MTMR10: variants seen among roughly 807,000 people sequenced by gnomAD.
MTMR10 encodes the protein myotubularin related protein 10.
In MTMR10, 56 loss-of-function variants were observed where a neutral mutation model predicts 88.1. The ratio of observed to expected loss-of-function variants is 0.64; its 90% CI spans 0.51 to 0.79. The LOEUF (loss-of-function observed/expected upper bound fraction) is 0.79. Among genes scored for constraint, MTMR10 ranks in the 30% least tolerant of loss-of-function variants. MTMR10 has a pLI of 0.00. For synonymous variants in MTMR10, 380 were observed against 340.9 expected, an observed-to-expected ratio of 1.11 and a Z score of -1.26; for missense variants, 883 against 924.7, an observed-to-expected ratio of 0.95 and a Z score of 0.58.
At chr15:30,928,944 G>C in the MTMR10 span, 1 of 344,794 alleles carries the variant, frequency 2.9e-6, no homozygotes, top group East Asian at 1.7e-4. Context: ...CGCAGGCACT[G>C]TGCCAAGGAG....
At chr15:30,973,261 C>A (rs1460911561) in intron 5 of MTMR10, among the ~76,000 whole-genome samples, 2 of 152,010 alleles carry the variant, frequency 1.3e-5, no homozygotes, top group African/African-American at 4.8e-5. Context: ...TTATACAGAC[C>A]ATTTGAAAAC....
At chr15:30,975,191 T>G (rs536625814) in intron 3 of MTMR10, among the ~76,000 whole-genome samples, 188 bp from the exon 4 acceptor site, 2 of 152,242 alleles carry the variant, frequency 1.3e-5, no homozygotes, top group East Asian at 3.9e-4. Context: ...ACAACAATCT[T>G]ATTATAATAC....
At position 30,940,519 on chromosome 15, in the gene MTMR10, T is replaced by G; in HGVS notation, c.*951A>C. ...TATTTCCAGGGGGAAGTGCCAGCAA[T>G]AGTTTACCACACTGGAAATACTGAT... On this transcript the variant is annotated 3_prime_UTR_variant, in exon 16 of 16. Transcript: ENST00000435680. 8.1e-6 allele frequency: 8 copies of G among 985,472 alleles called. No homozygotes were observed. The highest frequency in any genetic ancestry group is 9.6e-6 in the Non-Finnish European group (8 of 829,958). 61.0% of individuals were successfully genotyped at this position (985,472 alleles called of 1,614,324 possible). A position where few individuals can be genotyped will look rare whatever the true frequency, so the allele number is the denominator to read the frequency against.
intron 2 of MTMR10, among the ~76,000 whole-genome samples, chr15:30,987,988 G>A (rs1566972214): frequency 6.6e-6 from 1 of 150,442 alleles, no homozygotes; most frequent in Non-Finnish European, 1.5e-5. Flanking sequence ...GTTTTCTATT[G>A]ATTCTGATAG....
chr15:30,981,534 A>G (rs1207832069), intron 2 of MTMR10, among the ~76,000 whole-genome samples: 1 of 152,258 alleles, frequency 6.6e-6, no homozygotes, highest in African/African-American at 2.4e-5. Flanking sequence ...GCATACTACA[A>G]GACACTACCT....
intron 5 of MTMR10, among the ~76,000 whole-genome samples, chr15:30,970,511 G>A (rs1437917215): frequency 6.6e-6 from 1 of 152,102 alleles, no homozygotes; most frequent in Non-Finnish European, 1.5e-5. Flanking sequence ...ACGGTGCTCT[G>A]TGTCCAACAG....
chr15:30,958,904 G>C lies in MTMR10; in HGVS notation c.894C>G (p.Ala298=), dbSNP rs767932512. ...TCTGCTGCAGCACGTCTTTGATGAG[G>C]GCCATTCGCACAAGAGCACTGCCGT... is the stretch of plus-strand genomic sequence containing the variant. ...HSNGSALVRM[A]LIKDVLQQRK... The change falls in exon 9 of 16, where the codon GCC becomes GCG. Residue 298 remains alanine (A), a synonymous_variant. Transcript: ENST00000435680. 2 of 1,613,878 alleles carry C rather than the reference G, an allele frequency of 1.2e-6. No individual in the cohort carries two copies. The highest frequency in any genetic ancestry group is 1.7e-6 in the Non-Finnish European group (2 of 1,179,828).
chr15:30,941,392 A>G lies in MTMR10; in HGVS notation c.*78T>C. ...TTACATATAAAGTTATTAGAGATTC[A>G]AACGCCTAGGTTAGCAATGTTAATT... On this transcript the variant is annotated 3_prime_UTR_variant, in exon 16 of 16. Transcript: ENST00000435680. 1 of 1,545,590 alleles carries G rather than the reference A, an allele frequency of 6.5e-7. No homozygotes were observed. Among genetic ancestry groups the G allele is most frequent in the South Asian group, 1.3e-5 (1 of 79,804 alleles).
chr15:30,936,939 A>G (rs1489279377), downstream of MTMR10, among the ~76,000 whole-genome samples: 2 of 152,216 alleles, frequency 1.3e-5, no homozygotes, highest in Non-Finnish European at 2.9e-5. Context: ...TTTTAAGTCA[A>G]AAAATCCTAA....
At chr15:30,966,220 G>T (rs1192094191) in intron 6 of MTMR10, among the ~76,000 whole-genome samples, 3 of 152,156 alleles carry the variant, frequency 2.0e-5, no homozygotes, top group African/African-American at 7.2e-5. Flanking sequence ...AGCTATATAA[G>T]AAGAAATAGT....
At chr15:30,923,178 G>A in the MTMR10 span, among the ~76,000 whole-genome samples, 11 of 152,284 alleles carry the variant, frequency 7.2e-5, no homozygotes, top group African/African-American at 1.2e-4. Flanking sequence ...TTTTATTGCC[G>A]TAAACTGAAA....
At chr15:30,945,140 A>G (rs1390213999) in intron 14 of MTMR10, among the ~76,000 whole-genome samples, 1 of 152,150 alleles carries the variant, frequency 6.6e-6, no homozygotes, top group Non-Finnish European at 1.5e-5. Context: ...TGGAAAAAAA[A>G]GGAAGAAATG....
intron 2 of MTMR10, among the ~76,000 whole-genome samples, chr15:30,986,468 A>G (rs1477785043): frequency 2.0e-5 from 3 of 152,078 alleles, no homozygotes; most frequent in Admixed American, 6.5e-5. Context: ...GTGCAAAACT[A>G]ATTTAAAGGA....
the MTMR10 span, chr15:30,927,130 C>T: frequency 4.4e-6 from 4 of 911,988 alleles, no homozygotes; most frequent in Non-Finnish European, 5.2e-6. Context: ...GATCTCTTGA[C>T]CCCAGGAGGT....
chr15:30,971,343 C>G (rs972205040), intron 5 of MTMR10, among the ~76,000 whole-genome samples: 8 of 152,168 alleles, frequency 5.3e-5, no homozygotes, highest in African/African-American at 1.9e-4. Flanking sequence ...GAAGTACCCA[C>G]AGTGGATGGT....
chr15:30,960,458 T>C (rs2063386109), intron 7 of MTMR10, among the ~76,000 whole-genome samples: 1 of 152,160 alleles, frequency 6.6e-6, no homozygotes, highest in Admixed American at 6.5e-5. Context: ...AAACAAGCAA[T>C]ATCTACAATG....
At chr15:30,948,046 T>G (rs2063196066) in intron 13 of MTMR10, among the ~76,000 whole-genome samples, 1 of 152,252 alleles carries the variant, frequency 6.6e-6, no homozygotes, top group East Asian at 1.9e-4. Flanking sequence ...TTTCAGTATT[T>G]TATTCAGAAT....
At chr15:30,951,834 T>A (rs141504903) in intron 12 of MTMR10, 134 bp downstream of exon 12, 1 of 740,774 alleles carries the variant, frequency 1.3e-6, no homozygotes, top group African/African-American at 1.8e-5. Context: ...GTGCAAAATC[T>A]GTAATGTATT....
intron 2 of MTMR10, among the ~76,000 whole-genome samples, chr15:30,986,821 C>A (rs1375235730): frequency 6.6e-6 from 1 of 152,212 alleles, no homozygotes; most frequent in Admixed American, 6.5e-5. Flanking sequence ...GCGATACAGG[C>A]ACATGACACC....
Sources: gnomAD v4.1 joint callset for allele counts (sites outside exome capture counted in the v4.1 genomes callset) on GRCh38, gnomAD v4.1.1 for gene constraint, MANE v1.5 for transcripts, NCBI Gene and HGNC (gene_info 2026-07-23, HGNC 2026-07-21) for gene names.